Variants in TSPEAR observed in about 807,000 individuals in gnomAD.
The protein encoded by TSPEAR is thrombospondin-type laminin G domain and EAR repeat-containing protein.
A neutral mutation model predicts 71.6 loss-of-function variants in TSPEAR; 69 were observed. That is an observed-to-expected ratio of 0.96 (90% CI 0.79 to 1.18). The LOEUF is 1.18. Ranked by LOEUF, TSPEAR falls within the 50% of genes most tolerant of loss-of-function variation. The probability of loss-of-function intolerance (pLI) is 0.00; values close to 1 mark genes in which losing one functional copy is unlikely to be tolerated. For missense variants in TSPEAR, 971 were observed against 894.9 expected, an observed-to-expected ratio of 1.09 and a Z score of -1.09; for synonymous variants, 402 against 387.2, an observed-to-expected ratio of 1.04 and a Z score of -0.45.
chr21:44,504,620 G>A (rs1313939862), intron 11 of TSPEAR, among the ~76,000 whole-genome samples, 160 bp downstream of exon 11: 9 of 53,668 alleles, frequency 1.7e-4, no homozygotes, highest in African/African-American at 5.1e-4. Flanking sequence ...GGAGGAGGCC[G>A]GCCTCGGTGA....
In TSPEAR at chr21:44,529,858, G is replaced by A. The variant is rs372173836; in HGVS notation, c.730C>T (p.Arg244Trp). ...TTCCCCGTGAGAGCCTGCAGGACCC[G>A]TGGGATGGACAGCACCGCCAGCGGG... Reference protein sequence around the residue: ...NAPLAVLSIPRVLQALTGKPE... With the variant: ...NAPLAVLSIPWVLQALTGKPE... Residue 244 changes from arginine (R) to tryptophan (W), a missense_variant, in exon 5 of 12, where the codon CGG (arginine) becomes TGG (tryptophan). By Grantham distance (101) the Arg-to-Trp change is moderately radical (BLOSUM62 -3). Transcript: ENST00000323084. 1.5e-5 allele frequency: 24 copies of A among 1,613,690 alleles called. No individual in the cohort carries two copies. In the African/African-American group the frequency reaches 2.3e-4, roughly 15 times the overall value.
intron 1 of TSPEAR, among the ~76,000 whole-genome samples, chr21:44,597,159 T>A (rs1342277136): frequency 6.6e-6 from 1 of 151,960 alleles, no homozygotes; most frequent in Non-Finnish European, 1.5e-5. Flanking sequence ...CTCTGCCAGT[T>A]AAAAAAATTA....
chr21:44,538,430 C>G (rs56200725), intron 2 of TSPEAR, among the ~76,000 whole-genome samples: 29,335 of 144,726 alleles, frequency 0.2, 3,134 homozygotes, highest in South Asian at 0.38. Context: ...CTGCCCCCCC[C>G]CCCCCCAAGA....
intron 1 of TSPEAR, chr21:44,676,100 G>A (rs1420771907): frequency 1.1e-6 from 1 of 875,270 alleles, no homozygotes; most frequent in African/African-American, 1.6e-5. Flanking sequence ...TATATCTTCA[G>A]ATCAGAGCTC....
In TSPEAR at chr21:44,499,910, G is replaced by T; in HGVS notation, c.1883C>A (p.Ala628Glu). 6.2e-7 allele frequency: 1 copy of T among 1,607,700 alleles called. No homozygotes were observed. Among genetic ancestry groups the T allele is most frequent in the Middle Eastern group, 1.7e-4 (1 of 5,868 alleles). ...GCCGACGGTGGGGAGGCTGTGCACC[G>T]CCACGAAGCCCTCGTAGCCCTGCCA... The part of the protein sequence containing the change: ...YRWQGYEGFV[A>E]VHSLPTVGCR... The change falls in exon 12 of 12, where the codon GCG (alanine) becomes GAG (glutamate). Residue 628 changes from alanine (A) to glutamate (E), a missense_variant. Transcript: ENST00000323084.
At chr21:44,616,438 G>A (rs73907068) in intron 1 of TSPEAR, among the ~76,000 whole-genome samples, 3,790 of 152,258 alleles carry the variant, frequency 0.025, 158 homozygotes, top group African/African-American at 0.086. Context: ...TGTCACAGGT[G>A]TGCAGCCACA....
intron 9 of TSPEAR, among the ~76,000 whole-genome samples, chr21:44,514,337 C>T (rs1718270752): frequency 6.6e-6 from 1 of 152,216 alleles, no homozygotes; most frequent in South Asian, 2.1e-4. Context: ...TACAGCACCT[C>T]TTGCCCTTCC....
At chr21:44,515,144 TCAAACCAAACAGTAAA>T (rs1246946668) in intron 9 of TSPEAR, among the ~76,000 whole-genome samples, 1 of 152,150 alleles carries the variant, frequency 6.6e-6, no homozygotes, top group African/African-American at 2.4e-5. Flanking sequence ...ATTGCAAAAC[TCAAACCAAACAGTAAA>T]CAAATTAAGA....
At chr21:44,693,176 G>A (rs576570652) in intron 1 of TSPEAR, among the ~76,000 whole-genome samples, 38 of 152,056 alleles carry the variant, frequency 2.5e-4, no homozygotes, top group Non-Finnish European at 4.3e-4. Flanking sequence ...ATGAAGTTGG[G>A]CCCTTACCTA....
chr21:44,599,164 C>CTCTCTCTCTCTCTCTCTCTCTA (rs1980591697), intron 1 of TSPEAR, among the ~76,000 whole-genome samples: 1 of 141,500 alleles, frequency 7.1e-6, no homozygotes, highest in South Asian at 2.4e-4. Flanking sequence ...CTCTCTCTCT[C>CTCTCTCTCTCTCTCTCTCTCTA]TCTCTCTCCT....
rs782585770 is a variant in TSPEAR, at chr21:44,637,448, A to G, written c.83-69443T>C. The G allele has an allele frequency of 3.1e-6, 5 of 1,611,554 alleles. No individual in the cohort carries two copies. In the African/African-American group the frequency reaches 6.7e-5, roughly 22 times the overall value. On this transcript the variant is annotated intron_variant, in intron 1 of 11. Transcript: ENST00000323084. ...CGCCTCCACCATGTCCATCTGCTCC[A>G]GCGCCTGCACTGACTCTTGGCGGGT... is the stretch of plus-strand genomic sequence containing the variant.
intron 2 of TSPEAR, chr21:44,550,587 T>A: frequency 1.3e-6 from 2 of 1,505,120 alleles, no homozygotes; most frequent in Admixed American, 1.9e-5. Flanking sequence ...TGGCTGGGGC[T>A]GCTCCTTCTG....
intron 1 of TSPEAR, chr21:44,658,423 C>A: frequency 1.5e-6 from 1 of 645,202 alleles, no homozygotes; most frequent in Non-Finnish European, 2.4e-6. Context: ...TGATTCAGAC[C>A]TTCCATGACC....
At chr21:44,532,667 T>C (rs1342162883) in intron 3 of TSPEAR, among the ~76,000 whole-genome samples, 1 of 152,204 alleles carries the variant, frequency 6.6e-6, no homozygotes, top group Non-Finnish European at 1.5e-5. Flanking sequence ...AACTGGATCA[T>C]TTGCAATTAA....
rs1452307707 is a variant in TSPEAR, at chr21:44,529,689, G to A, written c.790+109C>T. ...TGCCCCCCGTAGCAGTGATGAGGGG[G>A]GCAGGCACACGAGAGGGGCTGAGAG... On this transcript the variant is annotated intron_variant, in intron 5 of 11. Transcript: ENST00000323084. 1.1e-5 allele frequency: 14 copies of A among 1,254,058 alleles called. No homozygotes were observed. The Admixed American group carries it at 1.9e-4, about 17-fold the overall frequency. 77.7% of individuals were successfully genotyped at this position (1,254,058 alleles called of 1,614,324 possible). A position where few individuals can be genotyped will look rare whatever the true frequency, so the allele number is the denominator to read the frequency against.
intron 1 of TSPEAR, chr21:44,627,261 C>G (rs1982870294): frequency 1.2e-6 from 2 of 1,612,752 alleles, no homozygotes; most frequent in East Asian, 4.5e-5. Flanking sequence ...GTGAGCCCCC[C>G]TGCTGCGCCA....
chr21:44,698,348 G>A (rs1987483835), intron 1 of TSPEAR, among the ~76,000 whole-genome samples: 1 of 152,232 alleles, frequency 6.6e-6, no homozygotes, highest in Non-Finnish European at 1.5e-5. Flanking sequence ...CCAGGACACA[G>A]ATGCAGCCTC....
At position 44,515,324 on chromosome 21, in the gene TSPEAR, C is replaced by T. The variant is rs587761935; in HGVS notation, c.1567-5938G>A. Among the ~76,000 whole-genome samples, 19 of 152,336 alleles carry T rather than the reference C, an allele frequency of 1.2e-4. 1 individual carries two copies. Among genetic ancestry groups the T allele is most frequent in the South Asian group, 2.1e-4 (1 of 4,830 alleles). On this transcript the variant is annotated intron_variant, in intron 9 of 11. Coordinates refer to ENST00000323084, the MANE Select transcript of TSPEAR (RefSeq NM_144991.3). ...CCCGTCCATGTGTGCGTGGTCCCAG[C>T]GCCTTCCCAGGGCCCTCCTAAGGCA...
chr21:44,687,177 G>A lies in TSPEAR; in HGVS notation c.82+24256C>T, dbSNP rs555109095. Among the ~76,000 whole-genome samples, 23 of 152,186 alleles carry A rather than the reference G, an allele frequency of 1.5e-4. No homozygotes were observed. The highest frequency in any genetic ancestry group is 1.9e-4 in the African/African-American group (8 of 41,438). On this transcript the variant is annotated intron_variant, in intron 1 of 11. Coordinates refer to ENST00000323084, the MANE Select transcript of TSPEAR (RefSeq NM_144991.3). This position sits in a 1 kb window ranked among gnomAD's most constrained non-coding sequence, Gnocchi z 4.4. Reference sequence around the variant, plus strand: ...TCAGAAGGGCTTTCCCCCAGCACGCGTTTCCCCAGAGGCTGGATTGGGGCC... The same window carrying A: ...TCAGAAGGGCTTTCCCCCAGCACGCATTTCCCCAGAGGCTGGATTGGGGCC...
Sources: gnomAD v4.1 joint callset for allele counts (sites outside exome capture counted in the v4.1 genomes callset) on GRCh38, gnomAD v4.1.1 for gene constraint, Gnocchi (gnomAD v3.1) non-coding constraint, MANE v1.5 for transcripts, NCBI Gene and HGNC (gene_info 2026-07-23, HGNC 2026-07-21) for gene names.